CNTNAP2: variants seen among roughly 807,000 people sequenced by gnomAD.
CNTNAP2 encodes the protein contactin-associated protein-like 2.
Under a neutral mutation model 155.2 loss-of-function variants are expected in CNTNAP2, and 98 were observed. The ratio of observed to expected loss-of-function variants is 0.63; its 90% CI spans 0.54 to 0.75. The LOEUF (loss-of-function observed/expected upper bound fraction) is 0.75, where lower values mean the gene tolerates loss of function less well. Ranked by LOEUF, CNTNAP2 falls within the 30% of genes least tolerant of loss-of-function variation. The pLI, the probability that CNTNAP2 is intolerant of heterozygous loss-of-function variation, is 0.00. For synonymous variants in CNTNAP2, 651 were observed against 631.2 expected (o/e 1.03, Z -0.47); for missense variants, 1,727 against 1,688.1 (o/e 1.02, Z -0.40).
chr7:146,312,395 G>A lies in CNTNAP2; in HGVS notation c.97+195422G>A, dbSNP rs752003201. Among the ~76,000 whole-genome samples the A allele has an allele frequency of 3.3e-5, 5 of 151,840 alleles. 1 individual carries two copies. The highest frequency in any genetic ancestry group is 2.0e-4 in the Admixed American group (3 of 15,256). The stretch of plus-strand genomic sequence containing the variant: ...CAACATAGCTTCATTTCACTGTTAG[G>A]CTTTGGTGTGTTGGCGATTTTTTAT... On this transcript the variant is annotated intron_variant, in intron 1 of 23. Transcript: ENST00000361727.
At chr7:147,644,725 CT>C (rs1195702485) in intron 13 of CNTNAP2, among the ~76,000 whole-genome samples, 1 of 152,152 alleles carries the variant, frequency 6.6e-6, no homozygotes, top group African/African-American at 2.4e-5. Context: ...AATACTAATA[CT>C]TTTAGATAAC....
chr7:148,019,783 G>A (rs1342258952), intron 15 of CNTNAP2, among the ~76,000 whole-genome samples: 1 of 151,648 alleles, frequency 6.6e-6, no homozygotes, highest in East Asian at 1.9e-4. Context: ...TTGGGGGGAG[G>A]GGTGTGAGGG....
intron 6 of CNTNAP2, 32 bp downstream of exon 6, chr7:147,121,195 A>G: frequency 6.2e-7 from 1 of 1,601,056 alleles, no homozygotes; most frequent in East Asian, 2.2e-5. Context: ...TTGTAATAAA[A>G]TGTCAAGCAA....
In CNTNAP2 at chr7:146,772,833, G is replaced by C. The variant is rs137864091; in HGVS notation, c.98-1438G>C. 2.9e-3 allele frequency among the ~76,000 whole-genome samples: 445 copies of C among 152,318 alleles called. 5 individuals are homozygous for C. Among genetic ancestry groups the C allele is most frequent in the African/African-American group, 9.9e-3 (412 of 41,584 alleles). On this transcript the variant is annotated intron_variant, in intron 1 of 23. Transcript: ENST00000361727. ...GGTACTTTGAACAGTAGGCCAAGTT[G>C]AGAGCAGGAGCCAGAGAGCATTTTG...
rs1177933137 is a variant in CNTNAP2 at position 148,360,810 on chromosome 7, C to CTT, written c.3476-22835_3476-22834dup. Among the ~76,000 whole-genome samples the CTT allele has an allele frequency of 6.6e-3, 913 of 138,612 alleles. 13 individuals carry two copies. Among genetic ancestry groups the CTT allele is most frequent in the African/African-American group, 0.023 (867 of 38,172 alleles). The allele number at this position is 138,612 out of a possible 152,430, so 90.9% of individuals were successfully genotyped here. Reference sequence around the variant, plus strand: ...AGAGTCGCTTTTCTTTCTTTTTTTTCTTTTTCTTTTTTTTTTTTGAGACAG... The same window carrying CTT: ...AGAGTCGCTTTTCTTTCTTTTTTTTCTTTTTTTCTTTTTTTTTTTTGAGACAG... On this transcript the variant is annotated intron_variant, in intron 21 of 23. Coordinates refer to ENST00000361727, the MANE Select transcript of CNTNAP2 (RefSeq NM_014141.6).
intron 3 of CNTNAP2, among the ~76,000 whole-genome samples, chr7:147,043,121 A>G (rs955225575): frequency 3.3e-5 from 5 of 152,102 alleles, no homozygotes; most frequent in African/African-American, 1.2e-4. Flanking sequence ...ATTTTTTGAG[A>G]GTCGAGTCTA....
intron 8 of CNTNAP2, among the ~76,000 whole-genome samples, chr7:147,135,147 T>C (rs1801453155): frequency 6.6e-6 from 1 of 151,910 alleles, no homozygotes; most frequent in Admixed American, 6.6e-5. Context: ...ACAAGTAAAA[T>C]AATGTTTAAT....
At chr7:148,313,488 C>T (rs1490609209) in intron 21 of CNTNAP2, among the ~76,000 whole-genome samples, 3 of 152,042 alleles carry the variant, frequency 2.0e-5, no homozygotes, top group Admixed American at 1.3e-4. Context: ...TTCCTTGGCC[C>T]AGTGGCCAGA....
At chr7:148,093,472 C>T (rs937201097) in intron 15 of CNTNAP2, among the ~76,000 whole-genome samples, 1 of 152,162 alleles carries the variant, frequency 6.6e-6, no homozygotes, top group Admixed American at 6.5e-5. Context: ...CTTAACTAGC[C>T]AATCTATTTA....
intron 3 of CNTNAP2, among the ~76,000 whole-genome samples, chr7:147,001,317 C>A (rs958435082): frequency 1.3e-4 from 20 of 151,932 alleles, no homozygotes; most frequent in African/African-American, 4.8e-4. Context: ...CAGTCTTGCT[C>A]GGCCCTCCTC....
At chr7:148,321,137 C>T (rs531043180) in intron 21 of CNTNAP2, among the ~76,000 whole-genome samples, 33 of 152,162 alleles carry the variant, frequency 2.2e-4, no homozygotes, top group African/African-American at 7.7e-4. Flanking sequence ...GGGGTTAGAC[C>T]GTGAAGCCAC....
chr7:146,333,234 G>T (rs555161750), intron 1 of CNTNAP2, among the ~76,000 whole-genome samples: 2 of 151,986 alleles, frequency 1.3e-5, no homozygotes, highest in Non-Finnish European at 2.9e-5. Flanking sequence ...CATGAGCCAC[G>T]ATGCCCGGCC....
chr7:146,839,942 A>G, intron 3 of CNTNAP2, 38 bp downstream of exon 3: 1 of 1,605,244 alleles, frequency 6.2e-7, no homozygotes, highest in Non-Finnish European at 8.5e-7. Flanking sequence ...ACAGAATTGG[A>G]TTGGAAATAT....
At chr7:146,469,483 C>A in intron 1 of CNTNAP2, among the ~76,000 whole-genome samples, 1 of 149,474 alleles carries the variant, frequency 6.7e-6, no homozygotes, top group Non-Finnish European at 1.5e-5. Context: ...ATTGTTTCCA[C>A]AAACTTCAGA....
At chr7:147,661,018 G>A (rs985069610) in intron 13 of CNTNAP2, among the ~76,000 whole-genome samples, 5 of 152,038 alleles carry the variant, frequency 3.3e-5, no homozygotes, top group Non-Finnish European at 5.9e-5. Flanking sequence ...CTTATACCCA[G>A]ACTTCTGTTT....
At chr7:146,498,325 G>A (rs1009672863) in intron 1 of CNTNAP2, among the ~76,000 whole-genome samples, 1 of 152,120 alleles carries the variant, frequency 6.6e-6, no homozygotes, top group Non-Finnish European at 1.5e-5. Flanking sequence ...ACTTCACAGA[G>A]AGAAACATCA....
intron 3 of CNTNAP2, among the ~76,000 whole-genome samples, chr7:146,975,293 C>G (rs931861917): frequency 6.6e-6 from 1 of 151,892 alleles, no homozygotes; most frequent in Non-Finnish European, 1.5e-5. Flanking sequence ...GGCAAAACCC[C>G]GTCTCTACTA....
At chr7:147,465,682 G>A (rs16883479) in intron 10 of CNTNAP2, among the ~76,000 whole-genome samples, 1 of 152,054 alleles carries the variant, frequency 6.6e-6, no homozygotes, top group Non-Finnish European at 1.5e-5. Context: ...TGGCTTGATG[G>A]GGTCAATTCC....
At chr7:148,383,314 A>G (rs1799112049) in intron 21 of CNTNAP2, among the ~76,000 whole-genome samples, 1 of 152,114 alleles carries the variant, frequency 6.6e-6, no homozygotes. Context: ...GGGTCAGGGA[A>G]GCATCAGAAA....
Sources: gnomAD v4.1 joint callset for allele counts (sites outside exome capture counted in the v4.1 genomes callset) on GRCh38, gnomAD v4.1.1 for gene constraint, MANE v1.5 for transcripts, NCBI Gene and HGNC (gene_info 2026-07-23, HGNC 2026-07-21) for gene names.